The following SMAP1 variants were observed in gnomAD, a reference collection of about 807,000 sequenced individuals.
SMAP1 encodes the protein small ArfGAP 1.
A neutral mutation model predicts 58.5 loss-of-function variants in SMAP1; 24 were observed. The ratio of observed to expected loss-of-function variants is 0.41; its 90% CI spans 0.30 to 0.58. The LOEUF (loss-of-function observed/expected upper bound fraction) is 0.58, where lower values mean the gene tolerates loss of function less well. Among genes scored for constraint, SMAP1 ranks in the 20% least tolerant of loss-of-function variants. The pLI, the probability that SMAP1 is intolerant of heterozygous loss-of-function variation, is 0.29. For synonymous variants in SMAP1, 216 were observed against 196.6 expected (o/e 1.10, Z -0.82); for missense variants, 563 against 566.3 (o/e 0.99, Z 0.06).
intron 6 of SMAP1, among the ~76,000 whole-genome samples, chr6:70,829,301 T>C (rs892050896): frequency 2.0e-5 from 3 of 152,032 alleles, no homozygotes; most frequent in Non-Finnish European, 4.4e-5. Context: ...ATTTTTGAGA[T>C]GTGTTTTTGC....
chr6:70,745,575 A>T (rs956622613), intron 2 of SMAP1, among the ~76,000 whole-genome samples: 1 of 152,144 alleles, frequency 6.6e-6, no homozygotes, highest in African/African-American at 2.4e-5. Flanking sequence ...TGGTTACTGT[A>T]GCCTTGTAGT....
In SMAP1 at chr6:70,725,458, C is replaced by T. The variant is rs114937613; in HGVS notation, c.119-6920C>T. Among the ~76,000 whole-genome samples the T allele has an allele frequency of 6.8e-3, 1,027 of 152,068 alleles. 6 individuals are homozygous for T. The highest frequency in any genetic ancestry group is 0.024 in the African/African-American group (982 of 41,474). Reference sequence around the variant, plus strand: ...TTTCCTGGTAGTTCACAAACATACCCGACCCATAGTATAGCTGACCATGAG... The same window carrying T: ...TTTCCTGGTAGTTCACAAACATACCTGACCCATAGTATAGCTGACCATGAG... On this transcript the variant is annotated intron_variant, in intron 1 of 10. Transcript: ENST00000370455.
intron 6 of SMAP1, among the ~76,000 whole-genome samples, chr6:70,819,732 C>T (rs1769803253): frequency 6.6e-6 from 1 of 152,160 alleles, no homozygotes; most frequent in Admixed American, 6.5e-5. Context: ...GTTGAAGTCG[C>T]ATAAGAACAG....
rs1771239206 is a variant in SMAP1 at position 70,852,794 on chromosome 6, A to G, written c.789+130A>G. ...AAAAGTCTCCTGTTCTTTAGGCTAGAGTTTAGCAAACTAAGCCAGCAGCTT... is the reference window on the plus strand; with the variant it reads ...AAAAGTCTCCTGTTCTTTAGGCTAGGGTTTAGCAAACTAAGCCAGCAGCTT... On this transcript the variant is annotated intron_variant, in intron 8 of 10. Transcript: ENST00000370455. The G allele has an allele frequency of 3.6e-6, 4 of 1,121,282 alleles. No homozygotes were observed. In the Admixed American group the frequency reaches 8.8e-5, roughly 25 times the overall value. 69.5% of individuals were successfully genotyped at this position (1,121,282 alleles called of 1,614,324 possible).
chr6:70,778,807 G>A (rs538824623), intron 4 of SMAP1, among the ~76,000 whole-genome samples: 14 of 152,316 alleles, frequency 9.2e-5, no homozygotes, highest in Admixed American at 3.3e-4. Flanking sequence ...GCATCCAGGA[G>A]GACTTTCCAG....
rs1418386436 is a variant in SMAP1, at chr6:70,836,998, G to A, written c.634G>A (p.Ala212Thr). 1 of 1,603,116 alleles carries A rather than the reference G, an allele frequency of 6.2e-7. No individual in the cohort carries two copies. The highest frequency in any genetic ancestry group is 1.3e-5 in the African/African-American group (1 of 74,388). ...PKKSTSPKKA[A>T]EPTVDLLGLD... The stretch of plus-strand genomic sequence containing the variant: ...AAAAAGTACCAGCCCTAAAAAAGCT[G>A]CGGAGCCCACTGTGGATCTTTTAGG... The change falls in exon 7 of 11, where the codon GCG (alanine) becomes ACG (threonine). Residue 212 changes from alanine (A) to threonine (T), a missense_variant. By Grantham distance (58) the Ala-to-Thr change is moderately conservative (BLOSUM62 0). Transcript: ENST00000370455.
At chr6:70,810,654 G>A (rs766538995) in intron 6 of SMAP1, among the ~76,000 whole-genome samples, 1 of 152,076 alleles carries the variant, frequency 6.6e-6, no homozygotes, top group Non-Finnish European at 1.5e-5. Context: ...ATAGCTCACT[G>A]TAGCCTCAAA....
At chr6:70,835,251 C>CAAAAAAAAA (rs778677881) in intron 6 of SMAP1, among the ~76,000 whole-genome samples, 1 of 57,946 alleles carries the variant, frequency 1.7e-5, no homozygotes, top group Admixed American at 1.9e-4. Flanking sequence ...GACTCCGTCT[C>CAAAAAAAAA]AAAAAAAAAA....
At chr6:70,840,784 AAATTACCAAGGGCCTGG>A (rs1332276437) in intron 7 of SMAP1, among the ~76,000 whole-genome samples, 1 of 152,226 alleles carries the variant, frequency 6.6e-6, no homozygotes, top group East Asian at 1.9e-4. Context: ...CTCGTCTTAG[AAATTACCAAGGGCCTGG>A]GGCCCCTCTT....
At chr6:70,747,033 A>G (rs1464031741) in intron 2 of SMAP1, among the ~76,000 whole-genome samples, 1 of 152,152 alleles carries the variant, frequency 6.6e-6, no homozygotes, top group Non-Finnish European at 1.5e-5. Context: ...TTTATTGCAC[A>G]TAATATTTTA....
chr6:70,861,692 G>C lies in SMAP1; in HGVS notation c.*1358G>C, dbSNP rs560152490. The C allele has an allele frequency of 1.2e-6, 2 of 1,613,934 alleles. No homozygotes were observed. Among genetic ancestry groups the C allele is most frequent in the Non-Finnish European group, 1.7e-6 (2 of 1,179,976 alleles). On this transcript the variant is annotated 3_prime_UTR_variant, in exon 11 of 11. Transcript: ENST00000370455. ...ACCTCAATTTTCACTGTGTCCAGGT[G>C]GTACTTTGGCTCGTTGGCTAGATTA...
chr6:70,769,117 A>C (rs972946364), intron 3 of SMAP1, among the ~76,000 whole-genome samples: 4 of 152,134 alleles, frequency 2.6e-5, no homozygotes, highest in African/African-American at 9.7e-5. Flanking sequence ...TCTGAGAGAC[A>C]GTTCGTTATA....
At chr6:70,826,862 C>T (rs1373576580) in intron 6 of SMAP1, among the ~76,000 whole-genome samples, 2 of 138,480 alleles carry the variant, frequency 1.4e-5, no homozygotes, top group South Asian at 2.2e-4. Context: ...CCCAGGAGAT[C>T]GAGGCTGCAG....
At chr6:70,771,843 C>T (rs1410965222) in intron 3 of SMAP1, among the ~76,000 whole-genome samples, 5 of 152,174 alleles carry the variant, frequency 3.3e-5, no homozygotes, top group East Asian at 3.9e-4. Flanking sequence ...TCTTCTGCGT[C>T]GCTCACGCTG....
intron 6 of SMAP1, among the ~76,000 whole-genome samples, chr6:70,807,886 A>G (rs1222725039): frequency 6.6e-6 from 1 of 152,040 alleles, no homozygotes; most frequent in Non-Finnish European, 1.5e-5. Flanking sequence ...TTGACCACTA[A>G]TAGCCTACTG....
At chr6:70,787,822 A>G (rs1376065948) in intron 4 of SMAP1, among the ~76,000 whole-genome samples, 1 of 151,554 alleles carries the variant, frequency 6.6e-6, no homozygotes, top group Admixed American at 6.6e-5. Flanking sequence ...GAGGATGTGG[A>G]GAAATAGGAA....
intron 8 of SMAP1, among the ~76,000 whole-genome samples, chr6:70,856,222 TA>T (rs1237309594): frequency 6.6e-6 from 1 of 152,232 alleles, no homozygotes; most frequent in Non-Finnish European, 1.5e-5. Flanking sequence ...AGATTGAGAA[TA>T]TTTTATATTA....
intron 7 of SMAP1, among the ~76,000 whole-genome samples, chr6:70,845,072 A>G (rs1443621970): frequency 6.6e-6 from 1 of 152,326 alleles, no homozygotes; most frequent in East Asian, 1.9e-4. Flanking sequence ...TACAGGTAGA[A>G]GGTTCATGCT....
At chr6:70,765,116 A>G (rs777596896) in intron 3 of SMAP1, among the ~76,000 whole-genome samples, 2 of 152,164 alleles carry the variant, frequency 1.3e-5, no homozygotes, top group Non-Finnish European at 2.9e-5. Context: ...ACTTGTCTTT[A>G]TAAACAGTGT....
Sources: allele counts gnomAD v4.1 joint callset (sites outside exome capture counted in the v4.1 genomes callset), GRCh38; gene constraint gnomAD v4.1.1; transcripts MANE v1.5; gene names NCBI Gene and HGNC (gene_info 2026-07-23, HGNC 2026-07-21).